TENM3: variants seen among roughly 807,000 people sequenced by gnomAD.
The protein encoded by TENM3 is teneurin transmembrane protein 3, also known as teneurin-3.
In TENM3, 63 loss-of-function variants were observed where a neutral mutation model predicts 255.1. The observed-to-expected ratio is 0.25, with a 90% CI of 0.20 to 0.30. TENM3 has a LOEUF of 0.30. Ranked by LOEUF, TENM3 falls within the 10% of genes least tolerant of loss-of-function variation. The pLI, the probability that TENM3 is intolerant of heterozygous loss-of-function variation, is 1.00. For missense variants in TENM3, 2,929 were observed against 3,461.1 expected (o/e 0.85, Z 3.86); for synonymous variants, 1,306 against 1,322.3 (o/e 0.99, Z 0.27).
the TENM3 span, among the ~76,000 whole-genome samples, chr4:181,531,482 T>C: frequency 6.2e-4 from 94 of 152,298 alleles, no homozygotes; most frequent in African/African-American, 2.0e-3. Flanking sequence ...GAAGGCAGGG[T>C]GATTAAGGCT....
At chr4:182,338,026 G>T (rs1346697369) in intron 2 of TENM3, among the ~76,000 whole-genome samples, 1 of 152,118 alleles carries the variant, frequency 6.6e-6, no homozygotes, top group Non-Finnish European at 1.5e-5. Flanking sequence ...CTTGCTTGGG[G>T]TCATGGTGGG....
intron 1 of TENM3, among the ~76,000 whole-genome samples, chr4:182,212,230 G>A (rs1374028302): frequency 6.6e-6 from 1 of 152,196 alleles, no homozygotes; most frequent in Admixed American, 6.5e-5. Context: ...CGGCTCCCTG[G>A]GAGCTTGCTG....
the TENM3 span, among the ~76,000 whole-genome samples, chr4:181,670,386 C>T: frequency 1.3e-5 from 2 of 151,788 alleles, no homozygotes; most frequent in African/African-American, 4.8e-5. Flanking sequence ...CAAAGTGATA[C>T]TGCTGTATTA....
At chr4:182,176,821 A>ATTTTTTTTTTTTTTTTTT (rs529637466) in intron 1 of TENM3, among the ~76,000 whole-genome samples, 1 of 113,358 alleles carries the variant, frequency 8.8e-6, no homozygotes, top group African/African-American at 3.3e-5. Flanking sequence ...CATCCGGCTA[A>ATTTTTTTTTTTTTTTTTT]TTTTTTTTTT....
chr4:182,564,356 G>C (rs1446610775), intron 3 of TENM3, among the ~76,000 whole-genome samples: 1 of 151,022 alleles, frequency 6.6e-6, no homozygotes, highest in African/African-American at 2.4e-5. Flanking sequence ...GTCTCACTAT[G>C]TTGCCCACGC....
At chr4:181,705,286 T>G in the TENM3 span, among the ~76,000 whole-genome samples, 1 of 152,228 alleles carries the variant, frequency 6.6e-6, no homozygotes, top group South Asian at 2.1e-4. Context: ...GATTAACTTT[T>G]AATGAATCAA....
the TENM3 span, among the ~76,000 whole-genome samples, chr4:182,006,844 A>G: frequency 6.6e-6 from 1 of 152,148 alleles, no homozygotes; most frequent in South Asian, 2.1e-4. Flanking sequence ...AGATTCTTCT[A>G]GCTTTCTTCT....
At chr4:182,493,862 T>C (rs185977667) in intron 3 of TENM3, among the ~76,000 whole-genome samples, 1 of 152,256 alleles carries the variant, frequency 6.6e-6, no homozygotes, top group Admixed American at 6.5e-5. Flanking sequence ...TAACCCAAGA[T>C]CATGTTGACC....
intron 17 of TENM3, among the ~76,000 whole-genome samples, chr4:182,737,982 CATAA>C (rs1761303272): frequency 6.6e-6 from 1 of 152,086 alleles, no homozygotes; most frequent in Non-Finnish European, 1.5e-5. Flanking sequence ...CCTTACTTAT[CATAA>C]ATATTTTCCA....
At chr4:181,661,736 A>T in the TENM3 span, among the ~76,000 whole-genome samples, 2 of 151,800 alleles carry the variant, frequency 1.3e-5, no homozygotes, top group African/African-American at 2.4e-5. Flanking sequence ...TTTCTGTATT[A>T]ATGGAGGGTT....
chr4:181,784,160 G>C, the TENM3 span, among the ~76,000 whole-genome samples: 1,488 of 148,040 alleles, frequency 0.01, 21 homozygotes, highest in African/African-American at 0.034. Context: ...CGAGTCATCT[G>C]TTTTTTTTTT....
intron 3 of TENM3, among the ~76,000 whole-genome samples, chr4:182,575,251 G>C (rs1280082236): frequency 6.6e-6 from 1 of 152,066 alleles, no homozygotes; most frequent in African/African-American, 2.4e-5. Flanking sequence ...AATCTCTTTG[G>C]ATTACTTCTT....
intron 24 of TENM3, among the ~76,000 whole-genome samples, chr4:182,784,585 G>C (rs568532199): frequency 6.6e-6 from 1 of 152,130 alleles, no homozygotes; most frequent in South Asian, 2.1e-4. Flanking sequence ...GCTCCACCCA[G>C]TTCGAGCTCC....
At chr4:182,550,146 A>G (rs1373254973) in intron 3 of TENM3, among the ~76,000 whole-genome samples, 1 of 152,218 alleles carries the variant, frequency 6.6e-6, no homozygotes, top group Non-Finnish European at 1.5e-5. Flanking sequence ...TTTACGTTTA[A>G]AAAAAGTCAG....
the TENM3 span, among the ~76,000 whole-genome samples, chr4:181,571,849 T>A: frequency 6.6e-6 from 1 of 152,198 alleles, no homozygotes; most frequent in African/African-American, 2.4e-5. Flanking sequence ...ACTAGATTTA[T>A]AACAGCACAG....
chr4:181,682,099 G>T, the TENM3 span, among the ~76,000 whole-genome samples: 6 of 152,116 alleles, frequency 3.9e-5, no homozygotes, highest in Non-Finnish European at 7.4e-5. Flanking sequence ...ACTTAAATAT[G>T]ACTTGTGCTG....
At chr4:182,597,737 T>C (rs749094673) in intron 3 of TENM3, among the ~76,000 whole-genome samples, 4 of 152,244 alleles carry the variant, frequency 2.6e-5, no homozygotes, top group Admixed American at 6.5e-5. Flanking sequence ...TTACACTTTA[T>C]ATACTGATTC....
intron 5 of TENM3, among the ~76,000 whole-genome samples, chr4:182,635,993 A>G (rs1340725787): frequency 6.6e-6 from 1 of 152,204 alleles, no homozygotes; most frequent in Non-Finnish European, 1.5e-5. Flanking sequence ...TGTGTTTGAC[A>G]TTCTTTTTTC....
chr4:182,626,158 A>G (rs1750801171), intron 4 of TENM3, among the ~76,000 whole-genome samples: 2 of 152,152 alleles, frequency 1.3e-5, no homozygotes, highest in Admixed American at 1.3e-4. Flanking sequence ...AGCCTAAAAT[A>G]TTTACTCTGT....
Sources: allele counts gnomAD v4.1 joint callset (sites outside exome capture counted in the v4.1 genomes callset), GRCh38; gene constraint gnomAD v4.1.1; transcripts MANE v1.5; gene names NCBI Gene and HGNC (gene_info 2026-07-23, HGNC 2026-07-21).